Variants in MEX3D observed in about 807,000 individuals in gnomAD.
MEX3D encodes RNA-binding protein MEX3D.
MEX3D carries 4 observed loss-of-function variants against 6.3 expected under a neutral mutation model. That is an observed-to-expected ratio of 0.64 (90% CI 0.31 to 1.46). MEX3D has a LOEUF of 1.46. Among genes scored for constraint, MEX3D ranks in the 40% most tolerant of loss-of-function variants. The pLI is 0.07. For missense variants in MEX3D, 1,038 were observed against 994.4 expected (o/e 1.04, Z -0.59); for synonymous variants, 626 against 494.1 (o/e 1.27, Z -3.54).
In MEX3D at chr19:1,555,440, C is replaced by CT; in HGVS notation, c.*122_*123insA. On this transcript the variant is annotated 3_prime_UTR_variant, in exon 2 of 2. Coordinates refer to ENST00000402693, the MANE Select transcript of MEX3D (RefSeq NM_203304.4). Reference sequence around the variant, plus strand: ...GTAAACACTGGCCGCCGCCCACCCCCCTGCCCCCTCGGCCTCCGCCCCTCG... The same window carrying CT: ...GTAAACACTGGCCGCCGCCCACCCCCTCTGCCCCCTCGGCCTCCGCCCCTCG... 6.8e-7 allele frequency: 1 copy of CT among 1,470,450 alleles called. No individual in the cohort carries two copies. The highest frequency in any genetic ancestry group is 2.5e-4 in the Middle Eastern group (1 of 3,946). 91.1% of individuals were successfully genotyped at this position (1,470,450 alleles called of 1,614,324 possible).
chr19:1,558,740 T>TCGGC (rs1914643109), intron 1 of MEX3D, among the ~76,000 whole-genome samples: 1 of 152,214 alleles, frequency 6.6e-6, no homozygotes, highest in African/African-American at 2.4e-5. Flanking sequence ...AGCCGAGGTC[T>TCGGC]CGGCCCGACT....
intron 1 of MEX3D, among the ~76,000 whole-genome samples, chr19:1,564,830 C>T (rs1276044222): frequency 6.6e-6 from 1 of 151,956 alleles, no homozygotes; most frequent in Non-Finnish European, 1.5e-5. Flanking sequence ...GTTCAGAGAG[C>T]CCCAGGGTGG....
chr19:1,564,006 G>A (rs971017109), intron 1 of MEX3D, among the ~76,000 whole-genome samples: 2 of 151,210 alleles, frequency 1.3e-5, no homozygotes, highest in Non-Finnish European at 3.0e-5. Flanking sequence ...ACAGGGTTTC[G>A]CCATGTTGGC....
In MEX3D at chr19:1,567,816, C is replaced by T; in HGVS notation, c.243G>A (p.Gly81=). 1.0e-6 allele frequency: 1 copy of T among 979,788 alleles called. No individual in the cohort carries two copies. The highest frequency in any genetic ancestry group is 1.2e-6 in the Non-Finnish European group (1 of 825,034). The allele number at this position is 979,788 out of a possible 1,614,324, so 60.7% of individuals were successfully genotyped here. ...CCGCCGCTGCGCCGTCCCCGGCCGC[C>T]CCCTCCTCGTCCGTGTCGCCAGCGC... ...LGGAGDTDEE[G]AAGDGAAAAG... is the part of the protein sequence containing the mutation. The change falls in exon 1 of 2, where the codon GGG becomes GGA. Residue 81 remains glycine (G), a synonymous_variant. Transcript: ENST00000402693. The surrounding 1 kb of genome is among the most constrained non-coding windows in gnomAD (Gnocchi z 6.5).
At chr19:1,558,118 G>C (rs1013406672) in intron 1 of MEX3D, among the ~76,000 whole-genome samples, 3 of 150,916 alleles carry the variant, frequency 2.0e-5, no homozygotes, top group Admixed American at 2.0e-4. Flanking sequence ...CTAGTACTTC[G>C]GGAATCTGAG....
chr19:1,564,534 A>C (rs889474678), intron 1 of MEX3D, among the ~76,000 whole-genome samples: 22 of 121,416 alleles, frequency 1.8e-4, no homozygotes, highest in African/African-American at 4.4e-4. Context: ...CTCCATCCCA[A>C]AAAAAAAAAA....
In MEX3D at chr19:1,568,262, G is replaced by A. The variant is rs1281427093; in HGVS notation, c.-204C>T. On this transcript the variant is annotated 5_prime_UTR_variant, in exon 1 of 2. Transcript: ENST00000402693. ...CGGGCCGGGCGGCGGCAGCGACTCTGGCTGCGGCTCGGCGGCGGCGGCGAC... is the reference window on the plus strand; with the variant it reads ...CGGGCCGGGCGGCGGCAGCGACTCTAGCTGCGGCTCGGCGGCGGCGGCGAC... 5.0e-5 allele frequency among the ~76,000 whole-genome samples: 7 copies of A among 141,078 alleles called. No individual in the cohort carries two copies. Among genetic ancestry groups the A allele is most frequent in the Non-Finnish European group, 1.1e-4 (7 of 63,730 alleles). The allele number at this position is 141,078 out of a possible 152,430, so 92.6% of individuals were successfully genotyped here. A position where few individuals can be genotyped will look rare whatever the true frequency, so the allele number is the denominator to read the frequency against.
At chr19:1,562,001 C>T (rs937993505) in intron 1 of MEX3D, among the ~76,000 whole-genome samples, 1 of 147,624 alleles carries the variant, frequency 6.8e-6, no homozygotes, top group African/African-American at 2.5e-5. Context: ...GTGGCTCACA[C>T]CTGTAATCCC....
rs1914522721 is a variant in MEX3D, at chr19:1,555,809, G to GGCC, written c.1707_1709dup (p.Ala572dup). The stretch of plus-strand genomic sequence containing the variant: ...CGGAGTCCAGGGGGGCGCAGGCGGC[G>GGCC]GCCGCGGGGCTGCTGGGCAGCGAGG... On this transcript the variant is annotated inframe_insertion, in exon 2 of 2. Coordinates refer to ENST00000402693, the MANE Select transcript of MEX3D (RefSeq NM_203304.4). The GGCC allele has an allele frequency of 7.3e-7, 1 of 1,376,968 alleles. No homozygotes were observed. The highest frequency in any genetic ancestry group is 1.6e-5 in the South Asian group (1 of 61,568). 85.3% of individuals were successfully genotyped at this position (1,376,968 alleles called of 1,614,324 possible). A position where few individuals can be genotyped will look rare whatever the true frequency, so the allele number is the denominator to read the frequency against.
At chr19:1,561,846 T>C (rs1287207106) in intron 1 of MEX3D, among the ~76,000 whole-genome samples, 1 of 151,930 alleles carries the variant, frequency 6.6e-6, no homozygotes, top group Non-Finnish European at 1.5e-5. Context: ...AGGGTCTTAT[T>C]ATGTTGCCCA....
intron 1 of MEX3D, among the ~76,000 whole-genome samples, chr19:1,564,287 C>A (rs1914786697): frequency 6.6e-6 from 1 of 151,816 alleles, no homozygotes; most frequent in Non-Finnish European, 1.5e-5. Flanking sequence ...AGTCCCAGCA[C>A]TCTGGGAGGC....
In MEX3D at chr19:1,556,739, CA is replaced by C; in HGVS notation, c.779del (p.Leu260ArgfsTer49). Reference sequence around the variant, plus strand: ...TGGGCGGGCCCTGGGCGGCGCCGGGCAGACCCCCGGCCTTGCTGCGCGTGGC... The same window carrying C: ...TGGGCGGGCCCTGGGCGGCGCCGGGCGACCCCCGGCCTTGCTGCGCGTGGC... ...IRATRSKAGGLPGAAQGPPNL... is the reference protein window; with the variant it reads ...IRATRSKAGGXPGAAQGPPNL... On this transcript the variant is annotated frameshift_variant, in exon 2 of 2. Coordinates refer to ENST00000402693, the MANE Select transcript of MEX3D (RefSeq NM_203304.4). LOFTEE classifies it low-confidence loss of function (END_TRUNC). This position sits in a 1 kb window ranked among gnomAD's most constrained non-coding sequence, Gnocchi z 7.5. 2 of 1,611,922 alleles carry C rather than the reference CA, an allele frequency of 1.2e-6. No homozygotes were observed. Among genetic ancestry groups the C allele is most frequent in the Non-Finnish European group, 1.7e-6 (2 of 1,179,468 alleles).
rs1404712210 is a variant in MEX3D at position 1,555,976 on chromosome 19, G to A, written c.1543C>T (p.Pro515Ser). Reference protein sequence around the residue: ...SSGAGTPRHSPTLPEPGGLRL... With the variant: ...SSGAGTPRHSSTLPEPGGLRL... ...AGGCCGCCGGGCTCGGGCAGCGTGGGCGAGTGGCGGGGGGTCCCGGCCCCA... is the reference window on the plus strand; with the variant it reads ...AGGCCGCCGGGCTCGGGCAGCGTGGACGAGTGGCGGGGGGTCCCGGCCCCA... The change falls in exon 2 of 2, where the codon CCC (proline) becomes TCC (serine). Residue 515 changes from proline to serine, a missense_variant. Physicochemically the swap from Pro to Ser is moderately conservative, Grantham distance 74 (BLOSUM62 -1). Transcript: ENST00000402693. 1 of 1,173,470 alleles carries A rather than the reference G, an allele frequency of 8.5e-7. No individual in the cohort carries two copies. Among genetic ancestry groups the A allele is most frequent in the Non-Finnish European group, 1.1e-6 (1 of 949,958 alleles). 72.7% of individuals were successfully genotyped at this position (1,173,470 alleles called of 1,614,324 possible). A position where few individuals can be genotyped will look rare whatever the true frequency, so the allele number is the denominator to read the frequency against.
intron 1 of MEX3D, among the ~76,000 whole-genome samples, chr19:1,558,015 C>A (rs1914620555): frequency 6.9e-6 from 1 of 144,178 alleles, no homozygotes; most frequent in Non-Finnish European, 1.5e-5. Flanking sequence ...CATGCCACTG[C>A]ACTCCAGCCT....
intron 1 of MEX3D, among the ~76,000 whole-genome samples, chr19:1,564,608 T>C (rs142613261): frequency 5.3e-5 from 8 of 151,234 alleles, no homozygotes; most frequent in South Asian, 2.1e-4. Flanking sequence ...CTCAGAGGGT[T>C]TGAATGACCA....
chr19:1,567,630 G>C lies in MEX3D; in HGVS notation c.429C>G (p.Pro143=). The C allele has an allele frequency of 7.8e-7, 1 of 1,281,070 alleles. No individual in the cohort carries two copies. The highest frequency in any genetic ancestry group is 9.9e-7 in the Non-Finnish European group (1 of 1,008,600). The allele number at this position is 1,281,070 out of a possible 1,614,324, so 79.4% of individuals were successfully genotyped here. ...GCGCGAAGCCCGCGAACACGTCGGG[G>C]GGCGACGGCCGGGGCGGCGGCGGCG... ...PPPPPPPRPS[P]PDVFAGFAPH... Residue 143 remains proline (P), a synonymous_variant, in exon 1 of 2, where the codon CCC becomes CCG. Coordinates refer to ENST00000402693, the MANE Select transcript of MEX3D (RefSeq NM_203304.4). The surrounding 1 kb of genome is among the most constrained non-coding windows in gnomAD (Gnocchi z 6.5).
chr19:1,568,086 T>C lies in MEX3D; in HGVS notation c.-28A>G. On this transcript the variant is annotated 5_prime_UTR_variant, in exon 1 of 2. Coordinates refer to ENST00000402693, the MANE Select transcript of MEX3D (RefSeq NM_203304.4). Reference sequence around the variant, plus strand: ...CGGGAGCTAGCGCTGGGGCCCGCGCTCCTGCCGCCCGCGCCGCCGCCGCCG... The same window carrying C: ...CGGGAGCTAGCGCTGGGGCCCGCGCCCCTGCCGCCCGCGCCGCCGCCGCCG... The C allele has an allele frequency of 1.0e-6, 1 of 970,930 alleles. No individual in the cohort carries two copies. Among genetic ancestry groups the C allele is most frequent in the Non-Finnish European group, 1.2e-6 (1 of 825,850 alleles). The allele number at this position is 970,930 out of a possible 1,614,324, so 60.1% of individuals were successfully genotyped here.
At position 1,567,410 on chromosome 19, in the gene MEX3D, G is replaced by T; in HGVS notation, c.595+54C>A. ...TGGGCTCGGGCGACCCCCTTCCCCG[G>T]GGCGGACGGTGCGGGGACCCCCAGG... On this transcript the variant is annotated intron_variant, in intron 1 of 1. Transcript: ENST00000402693. The surrounding 1 kb of genome is among the most constrained non-coding windows in gnomAD (Gnocchi z 6.5). The T allele has an allele frequency of 6.7e-7, 1 of 1,499,496 alleles. No homozygotes were observed. The highest frequency in any genetic ancestry group is 2.8e-5 in the East Asian group (1 of 35,240). The allele number at this position is 1,499,496 out of a possible 1,614,324, so 92.9% of individuals were successfully genotyped here.
intron 1 of MEX3D, among the ~76,000 whole-genome samples, chr19:1,564,549 A>G (rs79246764): frequency 6.6e-6 from 1 of 152,096 alleles, no homozygotes; most frequent in African/African-American, 2.4e-5. Flanking sequence ...AAAAAAAAAA[A>G]AAGATATAGC....
Sources: gnomAD v4.1 joint callset for allele counts (sites outside exome capture counted in the v4.1 genomes callset) on GRCh38, gnomAD v4.1.1 for gene constraint, Gnocchi (gnomAD v3.1) non-coding constraint, MANE v1.5 for transcripts, NCBI Gene and HGNC (gene_info 2026-07-23, HGNC 2026-07-21) for gene names.